PTPRZ1: variants seen among roughly 807,000 people sequenced by gnomAD.
The protein encoded by PTPRZ1 is receptor-type tyrosine-protein phosphatase zeta.
A neutral mutation model predicts 214.1 loss-of-function variants in PTPRZ1; 82 were observed. That is an observed-to-expected ratio of 0.38 (90% CI 0.32 to 0.46). PTPRZ1 has a LOEUF of 0.46. Ranked by LOEUF, PTPRZ1 falls within the 20% of genes least tolerant of loss-of-function variation. PTPRZ1 has a pLI of 1.00. For synonymous variants in PTPRZ1, 945 were observed against 987.9 expected, an observed-to-expected ratio of 0.96 and a Z score of 0.81; for missense variants, 2,603 against 2,748.7, an observed-to-expected ratio of 0.95 and a Z score of 1.19.
chr7:121,910,867 T>C (rs1382591356), intron 1 of PTPRZ1, among the ~76,000 whole-genome samples: 1 of 152,128 alleles, frequency 6.6e-6, no homozygotes, highest in Non-Finnish European at 1.5e-5. Context: ...AAGCAGGAAA[T>C]ACCTGAAAAT....
Position 122,038,939 on chromosome 7 carries a change from TTTAAA to T in PTPRZ1, c.5502+54_5502+58del. ...CCCCCAAAAAAGTAATTAGAGGTAC[TTTAAA>T]TTAGTTTTAATAGAGTCAGCATTAG... On this transcript the variant is annotated intron_variant, in intron 19 of 29. Transcript: ENST00000393386. The T allele has an allele frequency of 2.5e-6, 4 of 1,591,736 alleles. No individual in the cohort carries two copies. The Middle Eastern group carries it at 6.7e-4, about 266-fold the overall frequency.
chr7:121,948,391 G>T (rs1796452066), intron 2 of PTPRZ1, among the ~76,000 whole-genome samples: 1 of 152,162 alleles, frequency 6.6e-6, no homozygotes, highest in Non-Finnish European at 1.5e-5. Context: ...TGAGGCAGCG[G>T]GATCTCTTGA....
At chr7:121,884,354 G>GT (rs1794335370) in intron 1 of PTPRZ1, among the ~76,000 whole-genome samples, 1 of 152,070 alleles carries the variant, frequency 6.6e-6, no homozygotes, top group Non-Finnish European at 1.5e-5. Context: ...ATGCATATAT[G>GT]TAAGTGCATA....
chr7:122,003,995 A>G (rs1490395517), intron 10 of PTPRZ1, among the ~76,000 whole-genome samples: 19 of 152,098 alleles, frequency 1.2e-4, no homozygotes. Context: ...CACAAGATTC[A>G]CTCTGTTAGT....
chr7:122,006,187 G>A (rs1432698313), intron 11 of PTPRZ1, among the ~76,000 whole-genome samples: 4 of 151,926 alleles, frequency 2.6e-5, no homozygotes, highest in Non-Finnish European at 4.4e-5. Context: ...GGTATATAGT[G>A]ATCAAATCAG....
intron 2 of PTPRZ1, among the ~76,000 whole-genome samples, chr7:121,952,447 G>A (rs747617392): frequency 1.4e-4 from 22 of 152,140 alleles, no homozygotes; most frequent in African/African-American, 4.1e-4. Flanking sequence ...TTAGCTAGGC[G>A]TGGTGGCACA....
At chr7:122,046,995 A>AG (rs1266267532) in intron 23 of PTPRZ1, among the ~76,000 whole-genome samples, 1 of 152,208 alleles carries the variant, frequency 6.6e-6, no homozygotes, top group Non-Finnish European at 1.5e-5. Context: ...CACAAAGGAA[A>AG]GGGGGGAAAG....
chr7:121,984,187 T>C (rs1797701735), intron 8 of PTPRZ1, 70 bp downstream of exon 8: 1 of 1,375,114 alleles, frequency 7.3e-7, no homozygotes, highest in Non-Finnish European at 9.9e-7. Context: ...TTTGGTAAAC[T>C]GACAAATATA....
chr7:122,019,096 C>A, intron 12 of PTPRZ1, 28 bp from the exon 13 acceptor site: 2 of 1,570,978 alleles, frequency 1.3e-6, no homozygotes, highest in South Asian at 1.2e-5. Context: ...CCTTAAATAT[C>A]AATTCTCTCA....
chr7:121,961,030 A>G (rs1453854395), intron 2 of PTPRZ1, among the ~76,000 whole-genome samples: 2 of 152,242 alleles, frequency 1.3e-5, no homozygotes, highest in Non-Finnish European at 1.5e-5. Context: ...CTTCCATTAA[A>G]GAAACATAAA....
At chr7:121,936,608 G>A (rs776895178) in intron 2 of PTPRZ1, among the ~76,000 whole-genome samples, 1 of 152,186 alleles carries the variant, frequency 6.6e-6, no homozygotes, top group Admixed American at 6.5e-5. Flanking sequence ...TTACGTTAAA[G>A]TAGAAACACA....
chr7:121,948,898 T>C (rs1237197835), intron 2 of PTPRZ1, among the ~76,000 whole-genome samples: 2 of 152,110 alleles, frequency 1.3e-5, no homozygotes, highest in African/African-American at 4.8e-5. Flanking sequence ...CTGAACATTA[T>C]ATAGTGTTAC....
intron 1 of PTPRZ1, among the ~76,000 whole-genome samples, chr7:121,913,187 C>T (rs1563014479): frequency 6.6e-6 from 1 of 151,942 alleles, no homozygotes; most frequent in Non-Finnish European, 1.5e-5. Flanking sequence ...CATGAGAAGG[C>T]TTGGGATTGG....
chr7:121,959,829 A>G (rs2116483698), intron 2 of PTPRZ1, among the ~76,000 whole-genome samples: 1 of 152,292 alleles, frequency 6.6e-6, no homozygotes, highest in South Asian at 2.1e-4. Flanking sequence ...TACTGTTTAA[A>G]TGACTTTTTA....
At chr7:121,964,475 G>A (rs377033214) in intron 2 of PTPRZ1, among the ~76,000 whole-genome samples, 4 of 152,210 alleles carry the variant, frequency 2.6e-5, no homozygotes, top group Admixed American at 1.3e-4. Context: ...GGGGGAAACC[G>A]CCTCAATGAT....
chr7:121,942,968 C>T (rs571435675), intron 2 of PTPRZ1, among the ~76,000 whole-genome samples: 33 of 152,108 alleles, frequency 2.2e-4, no homozygotes, highest in Admixed American at 2.6e-4. Flanking sequence ...GAATAGATTA[C>T]AAAATGTGTT....
At chr7:121,981,136 G>A (rs1459534023) in intron 6 of PTPRZ1, among the ~76,000 whole-genome samples, 30 of 120,278 alleles carry the variant, frequency 2.5e-4, no homozygotes, top group African/African-American at 6.0e-4. Context: ...GCGAGACTCC[G>A]TCTCAAAAAA....
intron 1 of PTPRZ1, among the ~76,000 whole-genome samples, chr7:121,922,764 G>A (rs1795638040): frequency 6.6e-6 from 1 of 152,090 alleles, no homozygotes; most frequent in African/African-American, 2.4e-5. Context: ...CCACTCTGAT[G>A]ACAGTATACT....
chr7:122,009,682 A>G lies in PTPRZ1; in HGVS notation c.1288-652A>G, dbSNP rs17144005. The stretch of plus-strand genomic sequence containing the variant: ...ATTGCATGGAAGATTCAGCCTCCTG[A>G]ATGGTGATTCTAAGGGAAACACAAA... On this transcript the variant is annotated intron_variant, in intron 11 of 29. Coordinates refer to ENST00000393386, the MANE Select transcript of PTPRZ1 (RefSeq NM_002851.3). Among the ~76,000 whole-genome samples the G allele has an allele frequency of 2.4e-3, 361 of 152,140 alleles. 13 individuals carry two copies. The East Asian group carries it at 0.066, about 28-fold the overall frequency.
Sources: gnomAD v4.1 joint callset for allele counts (sites outside exome capture counted in the v4.1 genomes callset) on GRCh38, gnomAD v4.1.1 for gene constraint, MANE v1.5 for transcripts, NCBI Gene and HGNC (gene_info 2026-07-23, HGNC 2026-07-21) for gene names.